Variants in NALF1 observed in about 807,000 individuals in gnomAD.
NALF1 encodes family with sequence similarity 155 member A.
NALF1 carries 3 observed loss-of-function variants against 48.4 expected under a neutral mutation model. The observed-to-expected ratio is 0.06, with a 90% confidence interval of 0.03 to 0.16. The LOEUF is 0.16. Ranked by LOEUF, NALF1 falls within the 10% of genes least tolerant of loss-of-function variation. NALF1 has a pLI of 1.00. For missense variants in NALF1, 526 were observed against 571.5 expected, an observed-to-expected ratio of 0.92 and a Z score of 0.81; for synonymous variants, 262 against 245.7, an observed-to-expected ratio of 1.07 and a Z score of -0.62.
At chr13:107,734,585 A>T (rs1174832447) in intron 1 of NALF1, among the ~76,000 whole-genome samples, 1 of 152,082 alleles carries the variant, frequency 6.6e-6, no homozygotes, top group African/African-American at 2.4e-5. Context: ...GGCATAATGG[A>T]AACAAGTTTT....
chr13:107,459,880 C>T (rs1256851382), intron 1 of NALF1, among the ~76,000 whole-genome samples: 1 of 152,048 alleles, frequency 6.6e-6, no homozygotes, highest in Non-Finnish European at 1.5e-5. Context: ...TAGCTGGGAC[C>T]ACCTGCGTGT....
At chr13:107,777,379 G>C (rs969975956) in intron 1 of NALF1, among the ~76,000 whole-genome samples, 5 of 152,108 alleles carry the variant, frequency 3.3e-5, no homozygotes, top group Non-Finnish European at 5.9e-5. Flanking sequence ...ACGTAATTTG[G>C]ATATTTGTCC....
At chr13:107,569,836 A>G (rs1262096888) in intron 1 of NALF1, among the ~76,000 whole-genome samples, 1 of 152,202 alleles carries the variant, frequency 6.6e-6, no homozygotes, top group Non-Finnish European at 1.5e-5. Flanking sequence ...TTTGTTAAGA[A>G]TTGACACCAT....
intron 1 of NALF1, among the ~76,000 whole-genome samples, chr13:107,235,100 G>T (rs2138829084): frequency 6.6e-6 from 1 of 152,204 alleles, no homozygotes; most frequent in Admixed American, 6.5e-5. Flanking sequence ...GTATAATTCT[G>T]CTTTTAATTA....
chr13:107,575,085 A>T (rs541167450), intron 1 of NALF1, among the ~76,000 whole-genome samples: 9 of 152,200 alleles, frequency 5.9e-5, no homozygotes, highest in Admixed American at 3.3e-4. Flanking sequence ...CATAATCAAG[A>T]CCTAAGTGCA....
chr13:107,195,635 C>A (rs1307319934), intron 2 of NALF1, among the ~76,000 whole-genome samples: 1 of 152,184 alleles, frequency 6.6e-6, no homozygotes, highest in Non-Finnish European at 1.5e-5. Context: ...GATGAATATG[C>A]ATTTCTTAGT....
chr13:107,262,332 T>C (rs2138855203), intron 1 of NALF1, among the ~76,000 whole-genome samples: 1 of 152,202 alleles, frequency 6.6e-6, no homozygotes, highest in Non-Finnish European at 1.5e-5. Context: ...GGAGGATCAC[T>C]TGAACCCAGG....
intron 1 of NALF1, chr13:107,789,156 C>T (rs1396661949): frequency 6.6e-6 from 1 of 152,090 alleles, no homozygotes; most frequent in Non-Finnish European, 1.5e-5. Flanking sequence ...GATGAAATAA[C>T]AGAAGGAAAT....
At chr13:107,825,417 C>T (rs1449636626) in intron 1 of NALF1, among the ~76,000 whole-genome samples, 1 of 152,174 alleles carries the variant, frequency 6.6e-6, no homozygotes, top group African/African-American at 2.4e-5. Context: ...AGTTGATGCT[C>T]ATTCACTTTT....
intron 1 of NALF1, among the ~76,000 whole-genome samples, chr13:107,242,946 C>T (rs2138836614): frequency 6.6e-6 from 1 of 152,276 alleles, no homozygotes; most frequent in Non-Finnish European, 1.5e-5. Flanking sequence ...TGTCTCTTCC[C>T]TTTACCACCA....
chr13:107,210,993 T>C (rs1042353413), intron 1 of NALF1, among the ~76,000 whole-genome samples: 3 of 152,240 alleles, frequency 2.0e-5, no homozygotes, highest in African/African-American at 7.2e-5. Flanking sequence ...AAAAGGTATT[T>C]TGACCTTTAA....
intron 1 of NALF1, among the ~76,000 whole-genome samples, chr13:107,696,828 G>T (rs1881711665): frequency 6.6e-6 from 1 of 151,994 alleles, no homozygotes; most frequent in Admixed American, 6.6e-5. Flanking sequence ...CCTGGGTTTT[G>T]TATTTTGTAG....
chr13:107,612,080 TG>T (rs1411247016), intron 1 of NALF1, among the ~76,000 whole-genome samples: 4 of 15,096 alleles, frequency 2.6e-4, no homozygotes, highest in African/African-American at 8.3e-4. Context: ...GAGAGGGGAG[TG>T]GGGGGGAGAG....
At chr13:107,649,509 C>T (rs1288733479) in intron 1 of NALF1, among the ~76,000 whole-genome samples, 2 of 152,112 alleles carry the variant, frequency 1.3e-5, no homozygotes, top group Non-Finnish European at 2.9e-5. Flanking sequence ...CACACATGTA[C>T]AATTAAGTCC....
intron 1 of NALF1, among the ~76,000 whole-genome samples, chr13:107,753,978 A>C (rs1877013002): frequency 6.6e-6 from 1 of 152,162 alleles, no homozygotes; most frequent in Non-Finnish European, 1.5e-5. Flanking sequence ...CCACGTGCTA[A>C]AAAGAGGTAC....
chr13:107,269,622 T>C (rs922216114), intron 1 of NALF1, among the ~76,000 whole-genome samples: 1 of 152,104 alleles, frequency 6.6e-6, no homozygotes, highest in Non-Finnish European at 1.5e-5. Flanking sequence ...TGTCCTTTTT[T>C]CCCCATTATA....
At chr13:107,527,234 G>C (rs1043173554) in intron 1 of NALF1, among the ~76,000 whole-genome samples, 2 of 152,118 alleles carry the variant, frequency 1.3e-5, no homozygotes, top group Non-Finnish European at 2.9e-5. Flanking sequence ...GTGGAAGCAT[G>C]AGTGGATTTC....
intron 1 of NALF1, among the ~76,000 whole-genome samples, chr13:107,503,840 CAG>C (rs1875605328): frequency 1.3e-5 from 2 of 149,416 alleles, no homozygotes; most frequent in African/African-American, 4.9e-5. Context: ...TTTGCCACAA[CAG>C]TAGTAGACCT....
intron 1 of NALF1, among the ~76,000 whole-genome samples, chr13:107,226,018 T>G (rs1004593259): frequency 6.6e-6 from 1 of 152,146 alleles, no homozygotes; most frequent in African/African-American, 2.4e-5. Context: ...TCTAACTTTT[T>G]TTTAGAACTA....
Sources: gnomAD v4.1 joint callset for allele counts (sites outside exome capture counted in the v4.1 genomes callset) on GRCh38, gnomAD v4.1.1 for gene constraint, MANE v1.5 for transcripts, NCBI Gene and HGNC (gene_info 2026-07-23, HGNC 2026-07-21) for gene names.